PITPNC1: variants seen among roughly 807,000 people sequenced by gnomAD.
PITPNC1 encodes the protein cytoplasmic phosphatidylinositol transfer protein 1.
A neutral mutation model predicts 44.7 loss-of-function variants in PITPNC1; 18 were observed. That is an observed-to-expected ratio of 0.40 (90% CI 0.28 to 0.60). The LOEUF (loss-of-function observed/expected upper bound fraction) is 0.60, where lower values mean the gene tolerates loss of function less well. Among genes scored for constraint, PITPNC1 ranks in the 20% least tolerant of loss-of-function variants. The pLI is 0.39. For synonymous variants in PITPNC1, 141 were observed against 149.6 expected, an observed-to-expected ratio of 0.94 and a Z score of 0.42; for missense variants, 290 against 418.4, an observed-to-expected ratio of 0.69 and a Z score of 2.68.
intron 6 of PITPNC1, among the ~76,000 whole-genome samples, chr17:67,654,262 A>G (rs1334325396): frequency 6.6e-6 from 1 of 152,150 alleles, no homozygotes; most frequent in Non-Finnish European, 1.5e-5. Context: ...ATACTTACGG[A>G]CACTGGCATG....
intron 1 of PITPNC1, among the ~76,000 whole-genome samples, chr17:67,519,793 T>C (rs897903918): frequency 6.6e-6 from 1 of 152,050 alleles, no homozygotes; most frequent in Non-Finnish European, 1.5e-5. Flanking sequence ...ACATATACAA[T>C]CCACATATAT....
intron 2 of PITPNC1, among the ~76,000 whole-genome samples, chr17:67,546,612 G>A (rs1026481121): frequency 2.6e-5 from 4 of 152,208 alleles, no homozygotes; most frequent in Non-Finnish European, 5.9e-5. Flanking sequence ...TCAGCACACT[G>A]TCCACATAAC....
At chr17:67,434,024 T>C (rs1460857218) in intron 1 of PITPNC1, among the ~76,000 whole-genome samples, 2 of 152,106 alleles carry the variant, frequency 1.3e-5, no homozygotes, top group Non-Finnish European at 2.9e-5. Context: ...GTCCTGCTCC[T>C]GGGGCTTAGA....
intron 5 of PITPNC1, among the ~76,000 whole-genome samples, chr17:67,618,733 C>T (rs1243466200): frequency 6.6e-6 from 1 of 151,942 alleles, no homozygotes; most frequent in Non-Finnish European, 1.5e-5. Context: ...GCCTGGGTGA[C>T]AGAACAAAAC....
intron 1 of PITPNC1, among the ~76,000 whole-genome samples, chr17:67,431,079 G>A (rs1459519822): frequency 1.8e-5 from 1 of 54,214 alleles, no homozygotes. Flanking sequence ...TTTTTTTTGC[G>A]ATGGAATATT....
At chr17:67,493,848 C>T (rs1169819383) in intron 1 of PITPNC1, among the ~76,000 whole-genome samples, 1 of 152,200 alleles carries the variant, frequency 6.6e-6, no homozygotes, top group African/African-American at 2.4e-5. Context: ...AAATTCAGGT[C>T]CACCAGAAAA....
At chr17:67,564,568 C>A (rs985591361) in intron 4 of PITPNC1, among the ~76,000 whole-genome samples, 1 of 152,168 alleles carries the variant, frequency 6.6e-6, no homozygotes, top group African/African-American at 2.4e-5. Context: ...TCTGGAAACA[C>A]CCTCACAGAC....
At chr17:67,440,659 A>G (rs891211973) in intron 1 of PITPNC1, among the ~76,000 whole-genome samples, 1 of 151,570 alleles carries the variant, frequency 6.6e-6, no homozygotes, top group African/African-American at 2.4e-5. Flanking sequence ...TAGTCTCCCA[A>G]GTAGCTGGGA....
Position 67,693,338 on chromosome 17 carries a change from C to T in PITPNC1, c.*450C>T, listed in dbSNP as rs2042961526. The T allele has an allele frequency of 6.5e-6, 1 of 154,442 alleles. No homozygotes were observed. Among genetic ancestry groups the T allele is most frequent in the Non-Finnish European group, 1.4e-5 (1 of 69,348 alleles). 9.6% of individuals were successfully genotyped at this position (154,442 alleles called of 1,614,324 possible). On this transcript the variant is annotated 3_prime_UTR_variant, in exon 9 of 9. Transcript: ENST00000581322. ...CTGTTAAATTTTGAACTGCTAATTA[C>T]TAATACTTGAATACCAATAGTTACT...
At chr17:67,495,060 T>G (rs1270188601) in intron 1 of PITPNC1, among the ~76,000 whole-genome samples, 2 of 99,718 alleles carry the variant, frequency 2.0e-5, no homozygotes, top group African/African-American at 7.1e-5. Flanking sequence ...TTGTTTTTTT[T>G]TTTTTTTTTT....
At chr17:67,644,725 C>T (rs529554043) in intron 6 of PITPNC1, among the ~76,000 whole-genome samples, 2 of 152,134 alleles carry the variant, frequency 1.3e-5, no homozygotes, top group Non-Finnish European at 2.9e-5. Flanking sequence ...GCACCTGGCC[C>T]TGCTCTGTTC....
rs150546318 is a variant in PITPNC1 at position 67,585,359 on chromosome 17, C to T, written c.366+7102C>T. Among the ~76,000 whole-genome samples the T allele has an allele frequency of 1.5e-3, 221 of 152,252 alleles. 1 individual carries two copies. Among genetic ancestry groups the T allele is most frequent in the Non-Finnish European group, 2.0e-3 (133 of 68,022 alleles). ...CAGCCCTATGAGATATATGTTCCCC[C>T]ACCCCAGGTTCATACGTGGAAGCTT... On this transcript the variant is annotated intron_variant, in intron 5 of 8. Coordinates refer to ENST00000581322, the MANE Select transcript of PITPNC1 (RefSeq NM_012417.4).
At chr17:67,520,600 G>A (rs550898119) in intron 1 of PITPNC1, among the ~76,000 whole-genome samples, 1 of 152,266 alleles carries the variant, frequency 6.6e-6, no homozygotes, top group East Asian at 1.9e-4. Flanking sequence ...TTGCAGCTCT[G>A]CCTCTAGCAT....
At chr17:67,608,367 A>C (rs2041640762) in intron 5 of PITPNC1, among the ~76,000 whole-genome samples, 1 of 152,084 alleles carries the variant, frequency 6.6e-6, no homozygotes, top group Non-Finnish European at 1.5e-5. Flanking sequence ...GTGAGATTCT[A>C]TCTCTTAAAA....
intron 1 of PITPNC1, among the ~76,000 whole-genome samples, chr17:67,472,570 C>T (rs1170566716): frequency 2.0e-5 from 3 of 150,722 alleles, no homozygotes; most frequent in Admixed American, 1.3e-4. Context: ...TGGTGTGAAT[C>T]CAGGAGGAGG....
In PITPNC1 at chr17:67,395,065, C is replaced by T. The variant is rs536892955; in HGVS notation, c.48+16863C>T. ...ATATTTTAAAAGTTATAGAAAACAA[C>T]GCTCTTATTAAACTGGTAATTAGCA... On this transcript the variant is annotated intron_variant, in intron 1 of 8. Transcript: ENST00000581322. 4.7e-4 allele frequency among the ~76,000 whole-genome samples: 72 copies of T among 152,158 alleles called. 1 individual carries two copies. The East Asian group carries it at 7.3e-3, about 15-fold the overall frequency.
intron 1 of PITPNC1, among the ~76,000 whole-genome samples, chr17:67,475,768 C>T (rs2039617714): frequency 6.6e-6 from 1 of 152,162 alleles, no homozygotes. Context: ...TCAGTAAGCA[C>T]AATCAGGATT....
chr17:67,460,882 T>C (rs1371667636), intron 1 of PITPNC1, among the ~76,000 whole-genome samples: 4 of 149,584 alleles, frequency 2.7e-5, no homozygotes, highest in Non-Finnish European at 5.9e-5. Context: ...GCTGGGATTA[T>C]AGGCGCGCGC....
intron 1 of PITPNC1, among the ~76,000 whole-genome samples, chr17:67,509,309 G>A (rs13353191): frequency 0.081 from 12,269 of 151,564 alleles, 531 homozygotes; most frequent in Middle Eastern, 0.16. Context: ...CAAGGCGGGC[G>A]GATCACGAGG....
Sources: gnomAD v4.1 joint callset for allele counts (sites outside exome capture counted in the v4.1 genomes callset) on GRCh38, gnomAD v4.1.1 for gene constraint, MANE v1.5 for transcripts, NCBI Gene and HGNC (gene_info 2026-07-23, HGNC 2026-07-21) for gene names.